RAC1: variants seen among roughly 807,000 people sequenced by gnomAD.
The protein encoded by RAC1 is ras-related C3 botulinum toxin substrate 1.
In RAC1, 2 loss-of-function variants were observed where a neutral mutation model predicts 25.2. The ratio of observed to expected loss-of-function variants is 0.08; its 90% CI spans 0.03 to 0.25. The LOEUF (loss-of-function observed/expected upper bound fraction) is 0.25. RAC1 is among the 10% of genes least tolerant of loss of function. The pLI, the probability that RAC1 is intolerant of heterozygous loss-of-function variation, is 1.00. For synonymous variants in RAC1, 88 were observed against 94.0 expected (o/e 0.94, Z 0.37); for missense variants, 50 against 235.7 (o/e 0.21, Z 5.16).
At position 6,397,873 on chromosome 7, in the gene RAC1, C is replaced by T. The variant is rs539827709; in HGVS notation, c.226-2253C>T. Among the ~76,000 whole-genome samples, 3 of 152,312 alleles carry T rather than the reference C, an allele frequency of 2.0e-5. No homozygotes were observed. The South Asian group carries it at 6.2e-4, about 32-fold the overall frequency. On this transcript the variant is annotated intron_variant, in intron 3 of 5. Coordinates refer to ENST00000348035, the MANE Select transcript of RAC1 (RefSeq NM_006908.5). ...GCGTGGTGGTGTGTGCCTGTAGTCC[C>T]AGCTACTTGGGAGGCTAAGGCAGGA...
chr7:6,385,258 T>C (rs1441695503), intron 1 of RAC1, among the ~76,000 whole-genome samples: 1 of 152,252 alleles, frequency 6.6e-6, no homozygotes, highest in Non-Finnish European at 1.5e-5. Context: ...TCATGAGGTC[T>C]TGTTCATTGA....
chr7:6,381,637 C>T (rs527537096), intron 1 of RAC1, among the ~76,000 whole-genome samples: 7 of 152,220 alleles, frequency 4.6e-5, no homozygotes, highest in South Asian at 2.1e-4. Flanking sequence ...TCAGACAGTC[C>T]GCCCACCTTG....
chr7:6,391,219 CCTTTTTTTTTTTTT>C lies in RAC1; in HGVS notation c.108-697_108-684del, dbSNP rs369438811. Among the ~76,000 whole-genome samples, 657 of 150,520 alleles carry C rather than the reference CCTTTTTTTTTTTTT, an allele frequency of 4.4e-3. 5 individuals carry two copies. The highest frequency in any genetic ancestry group is 0.015 in the African/African-American group (630 of 41,198). ...AGCCTCTGCTTTTTATTATATTTTT[CCTTTTTTTTTTTTT>C]CTTTTTTGCCTTCCTGTGCAGAGGA... is the stretch of plus-strand genomic sequence containing the variant. On this transcript the variant is annotated intron_variant, in intron 2 of 5. Coordinates refer to ENST00000348035, the MANE Select transcript of RAC1 (RefSeq NM_006908.5).
chr7:6,399,976 C>T (rs1783349635), intron 3 of RAC1, 150 bp from the exon 4 acceptor site: 2 of 681,178 alleles, frequency 2.9e-6, no homozygotes, highest in South Asian at 3.7e-5. Flanking sequence ...CTCTGACAAA[C>T]TGAAAGGGTG....
intron 1 of RAC1, among the ~76,000 whole-genome samples, chr7:6,379,611 T>C (rs1395831689): frequency 6.6e-6 from 1 of 152,212 alleles, no homozygotes; most frequent in Non-Finnish European, 1.5e-5. Flanking sequence ...GGTTTCACCA[T>C]GTTGACCAGG....
rs539915988 is a variant in RAC1, at chr7:6,375,674, T to C, written c.35+904T>C. Among the ~76,000 whole-genome samples, 16 of 152,104 alleles carry C rather than the reference T, an allele frequency of 1.1e-4. No homozygotes were observed. The South Asian group carries it at 2.1e-3, about 20-fold the overall frequency. ...TGTTTTTTCTTTTCTTTCTTTCTTT[T>C]TTTTTTTTAAACAACGTGGTGTGGT... On this transcript the variant is annotated intron_variant, in intron 1 of 5. Transcript: ENST00000348035.
At chr7:6,383,101 G>A (rs1782818026) in intron 1 of RAC1, among the ~76,000 whole-genome samples, 1 of 152,174 alleles carries the variant, frequency 6.6e-6, no homozygotes, top group Non-Finnish European at 1.5e-5. Flanking sequence ...AAAAGAGGTT[G>A]AACTGAGCAG....
intron 3 of RAC1, among the ~76,000 whole-genome samples, chr7:6,395,226 A>T (rs1295348367): frequency 6.6e-6 from 1 of 152,104 alleles, no homozygotes; most frequent in Non-Finnish European, 1.5e-5. Flanking sequence ...TCTGCCTCCC[A>T]AAGTGCTGGG....
chr7:6,389,935 TTCCCTCCCTCCC>T (rs919484237), intron 2 of RAC1, among the ~76,000 whole-genome samples: 1 of 149,840 alleles, frequency 6.7e-6, no homozygotes, highest in African/African-American at 2.5e-5. Flanking sequence ...CCTTCCTTCC[TTCCCTCCCTCCC>T]TCTCTCCCTC....
intron 2 of RAC1, among the ~76,000 whole-genome samples, chr7:6,388,993 G>A (rs1406921095): frequency 6.6e-6 from 1 of 151,062 alleles, no homozygotes; most frequent in Non-Finnish European, 1.5e-5. Context: ...TTGAGGTCAG[G>A]AGTTCGAGAC....
At chr7:6,388,610 C>T (rs546552888) in intron 2 of RAC1, among the ~76,000 whole-genome samples, 5 of 152,150 alleles carry the variant, frequency 3.3e-5, no homozygotes, top group Admixed American at 3.3e-4. Flanking sequence ...TCCCAAAGTG[C>T]TGGGATTACA....
Position 6,401,957 on chromosome 7 carries a change from C to A in RAC1, c.378C>A (p.Ile126=). ...KLDLRDDKDT[I]EKLKEKKLTP... ...ATCTTAGGGATGATAAAGACACGAT[C>A]GAGAAACTGAAGGAGAAGAAGCTGA... Residue 126 remains isoleucine, a synonymous_variant, in exon 5 of 6, where the codon ATC becomes ATA. Coordinates refer to ENST00000348035, the MANE Select transcript of RAC1 (RefSeq NM_006908.5). The A allele has an allele frequency of 6.2e-7, 1 of 1,614,110 alleles. No homozygotes were observed. Among genetic ancestry groups the A allele is most frequent in the Non-Finnish European group, 8.5e-7 (1 of 1,180,006 alleles).
chr7:6,391,123 C>T (rs1252028055), intron 2 of RAC1, among the ~76,000 whole-genome samples: 4 of 152,200 alleles, frequency 2.6e-5, no homozygotes, highest in Non-Finnish European at 5.9e-5. Flanking sequence ...GTCTCGAACT[C>T]TTGACCTCAG....
At chr7:6,386,196 C>G (rs1278822446) in intron 1 of RAC1, among the ~76,000 whole-genome samples, 1 of 152,150 alleles carries the variant, frequency 6.6e-6, no homozygotes, top group Non-Finnish European at 1.5e-5. Flanking sequence ...CCCATCGTCT[C>G]TGAGCTGTTA....
At chr7:6,391,776 T>C in intron 2 of RAC1, 148 bp from the exon 3 acceptor site, 2 of 1,310,722 alleles carry the variant, frequency 1.5e-6, no homozygotes, top group East Asian at 2.5e-5. Context: ...CCGTGCCGCC[T>C]TCCTCCTTGT....
At chr7:6,398,829 T>C (rs1280810407) in intron 3 of RAC1, 1 of 1,003,470 alleles carries the variant, frequency 1.0e-6, no homozygotes, top group Non-Finnish European at 1.5e-6. Flanking sequence ...TGTTTTATAT[T>C]TAATTCACTC....
At chr7:6,402,289 A>G (rs1391503062) in intron 5 of RAC1, 27 bp from the exon 6 acceptor site, 5 of 1,585,344 alleles carry the variant, frequency 3.2e-6, no homozygotes, top group Non-Finnish European at 4.3e-6. Flanking sequence ...TCGAGTGTAC[A>G]TTGCCGTGTG....
intron 3 of RAC1, among the ~76,000 whole-genome samples, chr7:6,398,056 G>A (rs1319622625): frequency 6.6e-6 from 1 of 152,194 alleles, no homozygotes; most frequent in Non-Finnish European, 1.5e-5. Flanking sequence ...GGAGGTCTTA[G>A]TGTCAGCAAC....
At chr7:6,375,898 C>G (rs1445540391) in intron 1 of RAC1, 1 of 152,034 alleles carries the variant, frequency 6.6e-6, no homozygotes, top group African/African-American at 2.4e-5. Flanking sequence ...AATCGCGCGT[C>G]TCAGCGTTGC....
Sources: gnomAD v4.1 joint callset for allele counts (sites outside exome capture counted in the v4.1 genomes callset) on GRCh38, gnomAD v4.1.1 for gene constraint, MANE v1.5 for transcripts, NCBI Gene and HGNC (gene_info 2026-07-23, HGNC 2026-07-21) for gene names.